Variants in CHTF18 observed in about 807,000 individuals in gnomAD.
The protein encoded by CHTF18 is chromosome transmission fidelity protein 18 homolog.
In CHTF18, 151 loss-of-function variants were observed where a neutral mutation model predicts 113.4. That is an observed-to-expected ratio of 1.33 (90% CI 1.17 to 1.52). The LOEUF (loss-of-function observed/expected upper bound fraction) is 1.52, where lower values mean the gene tolerates loss of function less well. Ranked by LOEUF, CHTF18 falls within the 40% of genes most tolerant of loss-of-function variation. CHTF18 has a pLI of 0.00. For missense variants in CHTF18, 1,982 were observed against 1,381.6 expected (o/e 1.43, Z -6.89); for synonymous variants, 916 against 598.8 (o/e 1.53, Z -7.74).
At position 796,050 on chromosome 16, in the gene CHTF18, A is replaced by G. The variant is rs1449545931; in HGVS notation, c.2429A>G (p.Asp810Gly). 6.2e-7 allele frequency: 1 copy of G among 1,605,036 alleles called. No individual in the cohort carries two copies. Among genetic ancestry groups the G allele is most frequent in the Non-Finnish European group, 8.5e-7 (1 of 1,176,606 alleles). ...SLTYRQERTPDGQYIYRLEPN... is the reference protein window; with the variant it reads ...SLTYRQERTPGGQYIYRLEPN... ...ACCTACCGCCAGGAGCGCACGCCCG[A>G]TGGCCAGTACATCTACAGGCTGGAG... Residue 810 changes from aspartate (D) to glycine (G), a missense_variant, in exon 18 of 22, where the codon GAT becomes GGT. Coordinates refer to ENST00000262315, the MANE Select transcript of CHTF18 (RefSeq NM_022092.3).
Position 797,940 on chromosome 16 carries a change from G to A in CHTF18, c.2893G>A (p.Val965Met), listed in dbSNP as rs771264958. ...CTTCAACGAGGGTGTCTCCAACGCCGTGCGGCGCAGCCTGTACATCAGGGA... is the reference window on the plus strand; with the variant it reads ...CTTCAACGAGGGTGTCTCCAACGCCATGCGGCGCAGCCTGTACATCAGGGA... The part of the protein sequence containing the change: ...FRFNEGVSNA[V>M]RRSLYIRDLL The change falls in exon 22 of 22, where the codon GTG (valine) becomes ATG (methionine). Residue 965 changes from valine (V) to methionine (M), a missense_variant. Val to Met is a conservative substitution (Grantham distance 21). Transcript: ENST00000262315. 94 of 1,612,194 alleles carry A rather than the reference G, an allele frequency of 5.8e-5. No individual in the cohort carries two copies. Among genetic ancestry groups the A allele is most frequent in the African/African-American group, 1.6e-4 (12 of 74,932 alleles).
rs762483243 is a variant in CHTF18, at chr16:794,176, C to T, written c.1925C>T (p.Ala642Val). The change falls in exon 15 of 22, where the codon GCG (alanine) becomes GTG (valine). Residue 642 changes from alanine (A) to valine (V), a missense_variant. Ala to Val is a moderately conservative substitution (Grantham distance 64). Transcript: ENST00000262315. Reference protein sequence around the residue: ...FYRVLHAAASAGEHEKVVQGL... With the variant: ...FYRVLHAAASVGEHEKVVQGL... ...CGTGTCCTGCATGCCGCTGCCTCTGCGGGCGAGCACGAGAAGGTGGTCCAG... is the reference window on the plus strand; with the variant it reads ...CGTGTCCTGCATGCCGCTGCCTCTGTGGGCGAGCACGAGAAGGTGGTCCAG... The T allele has an allele frequency of 1.2e-5, 19 of 1,611,954 alleles. No homozygotes were observed. The East Asian group carries it at 1.6e-4, about 13-fold the overall frequency.
rs748113282 is a variant in CHTF18, at chr16:792,364, C to T, written c.1326+17C>T. ...GCCCCCGTGGTGGGCTCCTTGATGC[C>T]TGGGTAGGTGGGTGGGCGGGCAGGC... On this transcript the variant is annotated intron_variant, in intron 10 of 21. Transcript: ENST00000262315. 7.7e-6 allele frequency: 12 copies of T among 1,558,914 alleles called. No individual in the cohort carries two copies. The highest frequency in any genetic ancestry group is 5.8e-5 in the Admixed American group (3 of 51,776).
rs1039857199 is a variant in CHTF18, at chr16:797,985, C to T, written c.*10C>T. 1 of 1,605,936 alleles carries T rather than the reference C, an allele frequency of 6.2e-7. No homozygotes were observed. The highest frequency in any genetic ancestry group is 8.5e-7 in the Non-Finnish European group (1 of 1,175,610). Reference sequence around the variant, plus strand: ...CAGGGACTTGCTCTAGTTCTCTGAGCCGCGGACATGCCCTCGCATTGCTTC... The same window carrying T: ...CAGGGACTTGCTCTAGTTCTCTGAGTCGCGGACATGCCCTCGCATTGCTTC... On this transcript the variant is annotated 3_prime_UTR_variant, in exon 22 of 22. Transcript: ENST00000262315.
Position 792,475 on chromosome 16 carries a change from A to G in CHTF18, c.1363A>G (p.Lys455Glu). Reference protein sequence around the residue: ...INVLLSILNRKGPQEVGPQGP... With the variant: ...INVLLSILNREGPQEVGPQGP... Reference sequence around the variant, plus strand: ...CGTCCTCCTGAGCATCCTGAACCGCAAGGGGCCACAGGAGGTGGGGCCACA... The same window carrying G: ...CGTCCTCCTGAGCATCCTGAACCGCGAGGGGCCACAGGAGGTGGGGCCACA... Residue 455 changes from lysine to glutamate, a missense_variant, in exon 11 of 22, where the codon AAG becomes GAG. Transcript: ENST00000262315. The G allele has an allele frequency of 6.3e-7, 1 of 1,584,278 alleles. No homozygotes were observed. The highest frequency in any genetic ancestry group is 8.6e-7 in the Non-Finnish European group (1 of 1,165,746).
chr16:796,770 C>T lies in CHTF18; in HGVS notation c.2510C>T (p.Thr837Ile), dbSNP rs1340467132. 1.2e-6 allele frequency: 2 copies of T among 1,609,280 alleles called. No homozygotes were observed. Among genetic ancestry groups the T allele is most frequent in the South Asian group, 1.1e-5 (1 of 91,042 alleles). ...GAGCTGCCTGCCCGCAAGCCCCTCA[C>T]CTACCAGACGAAGCAGCTCATCGCC... ...FPELPARKPL[T>I]YQTKQLIARE... is the part of the protein sequence containing the mutation. Residue 837 changes from threonine (T) to isoleucine (I), a missense_variant, in exon 19 of 22, where the codon ACC (threonine) becomes ATC (isoleucine). Coordinates refer to ENST00000262315, the MANE Select transcript of CHTF18 (RefSeq NM_022092.3).
intron 9 of CHTF18, 94 bp downstream of exon 9, chr16:792,042 C>G (rs2042211733): frequency 1.3e-6 from 2 of 1,547,182 alleles, no homozygotes; most frequent in Non-Finnish European, 1.7e-6. Flanking sequence ...ATGTTCCCGT[C>G]TTGAGGGTGG....
Position 792,256 on chromosome 16 carries a change from G to T in CHTF18, c.1235G>T (p.Arg412Leu), listed in dbSNP as rs201241030. 1.3e-6 allele frequency: 2 copies of T among 1,565,202 alleles called. No homozygotes were observed. Among genetic ancestry groups the T allele is most frequent in the Non-Finnish European group, 1.7e-6 (2 of 1,155,992 alleles). ...CGTAGCCCGGAGGTCTTCCGCACAC[G>T]CATCGAGGCGGCCACCCAGATGGAG... ...DDRSPEVFRT[R>L]IEAATQMESV... The change falls in exon 10 of 22, where the codon CGC becomes CTC. Residue 412 changes from arginine (R) to leucine (L), a missense_variant. Physicochemically the swap from Arg to Leu is moderately radical, Grantham distance 102. Transcript: ENST00000262315.
chr16:796,212 T>C (rs1425561907), intron 18 of CHTF18, 135 bp downstream of exon 18: 1 of 1,195,522 alleles, frequency 8.4e-7, no homozygotes, highest in Non-Finnish European at 1.2e-6. Flanking sequence ...AGCTTATCTT[T>C]TGCTCAGATG....
intron 14 of CHTF18, chr16:793,828 C>T (rs1028091163): frequency 3.1e-6 from 2 of 637,432 alleles, no homozygotes; most frequent in African/African-American, 3.6e-5. Flanking sequence ...AGGGTCAGGG[C>T]AGGGCTCCTC....
intron 18 of CHTF18, among the ~76,000 whole-genome samples, 199 bp downstream of exon 18, chr16:796,276 G>A (rs1237775325): frequency 3.3e-5 from 5 of 152,248 alleles, no homozygotes; most frequent in Admixed American, 2.6e-4. Context: ...TGGGACCTGA[G>A]TTTTGCTGCA....
Position 795,151 on chromosome 16 carries a change from T to C in CHTF18, c.1970T>C (p.Leu657Pro). Reference protein sequence around the residue: ...KVVQGLFDNFLRLRLRDSSLG... With the variant: ...KVVQGLFDNFPRLRLRDSSLG... ...CTGCAGGGCTTGTTTGACAACTTCCTGCGTCTGCGGCTGCGAGACTCCAGC... is the reference window on the plus strand; with the variant it reads ...CTGCAGGGCTTGTTTGACAACTTCCCGCGTCTGCGGCTGCGAGACTCCAGC... The change falls in exon 16 of 22, where the codon CTG (leucine) becomes CCG (proline). Residue 657 changes from leucine (L) to proline (P), a missense_variant. By Grantham distance (98) the Leu-to-Pro change is moderately conservative. Coordinates refer to ENST00000262315, the MANE Select transcript of CHTF18 (RefSeq NM_022092.3). The C allele has an allele frequency of 6.4e-7, 1 of 1,551,430 alleles. No homozygotes were observed.
chr16:791,992 C>T (rs778020615), intron 9 of CHTF18, 44 bp downstream of exon 9: 27 of 1,570,878 alleles, frequency 1.7e-5, no homozygotes, highest in African/African-American at 4.1e-5. Context: ...TCTGTCCTGA[C>T]GTGTTTGAGT....
At position 792,761 on chromosome 16, in the gene CHTF18, C is replaced by T. The variant is rs2042234762; in HGVS notation, c.1522C>T (p.Leu508Phe). 3 of 1,549,850 alleles carry T rather than the reference C, an allele frequency of 1.9e-6. No individual in the cohort carries two copies. Among genetic ancestry groups the T allele is most frequent in the Non-Finnish European group, 2.6e-6 (3 of 1,151,876 alleles). ...GCAGCTGAAGCAGCAGGCCTTCCTGCTCCACTTCCCGCCGACTCTGCCCTC... is the reference window on the plus strand; with the variant it reads ...GCAGCTGAAGCAGCAGGCCTTCCTGTTCCACTTCCCGCCGACTCTGCCCTC... The part of the protein sequence containing the change: ...LRQLKQQAFL[L>F]HFPPTLPSRL... The change falls in exon 12 of 22, where the codon CTC (leucine) becomes TTC (phenylalanine). Residue 508 changes from leucine (L) to phenylalanine (F), a missense_variant. Coordinates refer to ENST00000262315, the MANE Select transcript of CHTF18 (RefSeq NM_022092.3).
Position 789,253 on chromosome 16 carries a change from G to A in CHTF18, c.330G>A (p.Leu110=). ...CTAGGCTGCAGGTGGTCAAGAGGCT[G>A]AACTTCAGATCGGAGGAGATGGAGG... ...KRPRLQVVKR[L]NFRSEEMEEP... is the part of the protein sequence containing the mutation. Residue 110 remains leucine (L), a synonymous_variant, in exon 3 of 22, where the codon CTG becomes CTA. Transcript: ENST00000262315. 1 of 1,559,186 alleles carries A rather than the reference G, an allele frequency of 6.4e-7. No homozygotes were observed. The highest frequency in any genetic ancestry group is 8.7e-7 in the Non-Finnish European group (1 of 1,152,410).
intron 21 of CHTF18, 27 bp from the exon 22 acceptor site, chr16:797,812 C>A: frequency 2.5e-6 from 4 of 1,591,190 alleles, no homozygotes; most frequent in Non-Finnish European, 3.4e-6. Flanking sequence ...GGCCTTACAG[C>A]TGAGGAGCAA....
In CHTF18 at chr16:792,266, G is replaced by A. The variant is rs749144086; in HGVS notation, c.1245G>A (p.Ala415=). The A allele has an allele frequency of 7.0e-6, 11 of 1,563,864 alleles. No homozygotes were observed. The highest frequency in any genetic ancestry group is 5.7e-5 in the Admixed American group (3 of 53,024). ...AGGTCTTCCGCACACGCATCGAGGC[G>A]GCCACCCAGATGGAGTCGGTGCTGG... ...SPEVFRTRIE[A]ATQMESVLGA... The change falls in exon 10 of 22, where the codon GCG becomes GCA. Residue 415 remains alanine, a synonymous_variant. Coordinates refer to ENST00000262315, the MANE Select transcript of CHTF18 (RefSeq NM_022092.3).
At chr16:796,135 T>A in intron 18 of CHTF18, 58 bp downstream of exon 18, 2 of 1,557,634 alleles carry the variant, frequency 1.3e-6, no homozygotes, top group South Asian at 1.2e-5. Flanking sequence ...CTGTGCTCCA[T>A]GTTCAGGGCC....
intron 18 of CHTF18, 96 bp downstream of exon 18, chr16:796,173 G>A (rs2042341617): frequency 6.8e-6 from 10 of 1,472,676 alleles, no homozygotes; most frequent in East Asian, 2.5e-5. Flanking sequence ...CTGAAAGCAC[G>A]GTCATGGCGT....
Sources: allele counts gnomAD v4.1 joint callset (sites outside exome capture counted in the v4.1 genomes callset), GRCh38; gene constraint gnomAD v4.1.1; transcripts MANE v1.5; gene names NCBI Gene and HGNC (gene_info 2026-07-23, HGNC 2026-07-21).